The following SLC6A3 variants were observed in gnomAD, a reference collection of about 807,000 sequenced individuals.
The protein encoded by SLC6A3 is solute carrier family 6 member 3.
SLC6A3 carries 19 observed loss-of-function variants against 70.4 expected under a neutral mutation model. The observed-to-expected ratio is 0.27, with a 90% CI of 0.19 to 0.40. SLC6A3 has a LOEUF of 0.40. SLC6A3 is among the 10% of genes least tolerant of loss of function. SLC6A3 has a pLI of 1.00. For synonymous variants in SLC6A3, 368 were observed against 356.6 expected, an observed-to-expected ratio of 1.03 and a Z score of -0.36; for missense variants, 613 against 838.5, an observed-to-expected ratio of 0.73 and a Z score of 3.32.
chr5:1,414,516 G>GGGGCCGGGAGGGGCAGGGCAGGGAA (rs1560913099), intron 8 of SLC6A3, among the ~76,000 whole-genome samples, 175 bp downstream of exon 8: 3 of 151,546 alleles, frequency 2.0e-5, no homozygotes, highest in African/African-American at 4.8e-5. Context: ...CGCTGGGTGG[G>GGGGCCGGGAGGGGCAGGGCAGGGAA]GGCAGGTCTG....
At chr5:1,429,749 C>T (rs1579720819) in intron 4 of SLC6A3, among the ~76,000 whole-genome samples, 1 of 152,202 alleles carries the variant, frequency 6.6e-6, no homozygotes, top group East Asian at 1.9e-4. Context: ...CTGCCCCTGG[C>T]TCTGTGTGCC....
At chr5:1,395,679 A>G (rs10069463) in intron 14 of SLC6A3, among the ~76,000 whole-genome samples, 20,344 of 152,246 alleles carry the variant, frequency 0.13, 1,917 homozygotes, top group African/African-American at 0.27. Context: ...GAGCCCGGCC[A>G]GGACCCACAG....
Position 1,408,751 on chromosome 5 carries a change from C to A in SLC6A3, c.1498+275G>T, listed in dbSNP as rs1560909486. Among the ~76,000 whole-genome samples, 1 of 152,244 alleles carries A rather than the reference C, an allele frequency of 6.6e-6. No homozygotes were observed. Among genetic ancestry groups the A allele is most frequent in the Non-Finnish European group, 1.5e-5 (1 of 68,042 alleles). On this transcript the variant is annotated intron_variant, in intron 11 of 14. Transcript: ENST00000270349. This position sits in a 1 kb window ranked among gnomAD's most constrained non-coding sequence, Gnocchi z 6.4. Reference sequence around the variant, plus strand: ...TGTTCCCCTGGGTGGGATGGGCTCACCGGTGCCTCTAGCGTGGAGGAGGCA... The same window carrying A: ...TGTTCCCCTGGGTGGGATGGGCTCAACGGTGCCTCTAGCGTGGAGGAGGCA...
At chr5:1,428,083 A>G (rs946488131) in intron 4 of SLC6A3, among the ~76,000 whole-genome samples, 2 of 152,112 alleles carry the variant, frequency 1.3e-5, no homozygotes, top group Non-Finnish European at 2.9e-5. Context: ...CACCAGTGTA[A>G]ACCATCTAGT....
rs560356217 is a variant in SLC6A3, at chr5:1,406,108, G to A, written c.1599+80C>T. The A allele has an allele frequency of 1.3e-4, 130 of 999,246 alleles. No individual in the cohort carries two copies. In the East Asian group the frequency reaches 3.0e-3, roughly 23 times the overall value. 61.9% of individuals were successfully genotyped at this position (999,246 alleles called of 1,614,324 possible). Reference sequence around the variant, plus strand: ...CCAGCCACAGTGACAACCCACATGCGGGCGCTGGACCTCGGGGCAGGTGCC... The same window carrying A: ...CCAGCCACAGTGACAACCCACATGCAGGCGCTGGACCTCGGGGCAGGTGCC... On this transcript the variant is annotated intron_variant, in intron 12 of 14. Coordinates refer to ENST00000270349, the MANE Select transcript of SLC6A3 (RefSeq NM_001044.5). This position sits in a 1 kb window ranked among gnomAD's most constrained non-coding sequence, Gnocchi z 8.8.
Position 1,443,036 on chromosome 5 carries a change from G to T in SLC6A3, c.162C>A (p.Pro54=), listed in dbSNP as rs6351. 4.3e-6 allele frequency: 7 copies of T among 1,614,072 alleles called. No individual in the cohort carries two copies. The African/African-American group carries it at 6.7e-5, about 15-fold the overall frequency. ...SSTLTNPRQS[P]VEAQDRETWG... is the part of the protein sequence containing the mutation. ...AGGTCTCCCGATCCTGGGCCTCCAC[G>T]GGGCTCTGCCGCGGGTTGGTGAGGG... is the stretch of plus-strand genomic sequence containing the variant. The change falls in exon 2 of 15, where the codon CCC becomes CCA. Residue 54 remains proline (P), a synonymous_variant. Coordinates refer to ENST00000270349, the MANE Select transcript of SLC6A3 (RefSeq NM_001044.5).
intron 3 of SLC6A3, 77 bp from the exon 4 acceptor site, chr5:1,432,775 T>G: frequency 8.2e-6 from 8 of 978,324 alleles, no homozygotes; most frequent in Non-Finnish European, 1.1e-5. Context: ...CCCTTCCACC[T>G]CCCCTCACGG....
At chr5:1,407,455 G>A (rs1037705941) in intron 11 of SLC6A3, among the ~76,000 whole-genome samples, 28 of 152,362 alleles carry the variant, frequency 1.8e-4, no homozygotes, top group South Asian at 2.1e-4. Flanking sequence ...GGCCCCTGCC[G>A]GAGCAGGAGT....
chr5:1,418,793 T>A (rs1272578790), intron 6 of SLC6A3, among the ~76,000 whole-genome samples: 2 of 149,410 alleles, frequency 1.3e-5, no homozygotes, highest in Non-Finnish European at 3.0e-5. Flanking sequence ...CATTCATCCA[T>A]CCACCCAAAC....
intron 4 of SLC6A3, among the ~76,000 whole-genome samples, chr5:1,423,036 C>T (rs1316776893): frequency 1.3e-5 from 1 of 76,672 alleles, no homozygotes; most frequent in Non-Finnish European, 2.3e-5. Context: ...GGGTACCCAC[C>T]ACTGCCCACA....
At position 1,421,857 on chromosome 5, in the gene SLC6A3, G is replaced by C; in HGVS notation, c.792+19C>G. 6.2e-7 allele frequency: 1 copy of C among 1,612,788 alleles called. No homozygotes were observed. The highest frequency in any genetic ancestry group is 8.5e-7 in the Non-Finnish European group (1 of 1,179,818). Reference sequence around the variant, plus strand: ...TGGCCCCATGTCTACAGGCCCAATTGGTGACCCCCGAGCCTCACCTTCCCT... The same window carrying C: ...TGGCCCCATGTCTACAGGCCCAATTCGTGACCCCCGAGCCTCACCTTCCCT... On this transcript the variant is annotated intron_variant, in intron 5 of 14. Transcript: ENST00000270349. The surrounding 1 kb of genome is among the most constrained non-coding windows in gnomAD (Gnocchi z 7.2).
At position 1,402,856 on chromosome 5, in the gene SLC6A3, T is replaced by A; in HGVS notation, c.1767+66A>T. The A allele has an allele frequency of 6.5e-7, 1 of 1,532,572 alleles. No homozygotes were observed. Among genetic ancestry groups the A allele is most frequent in the East Asian group, 2.3e-5 (1 of 43,202 alleles). The allele number at this position is 1,532,572 out of a possible 1,614,324, so 94.9% of individuals were successfully genotyped here. A position where few individuals can be genotyped will look rare whatever the true frequency, so the allele number is the denominator to read the frequency against. ...CCCAGGCAGGTGAGGACTGGGGCCA[T>A]GGACACCCACGGAGCCTTTCTGGTG... On this transcript the variant is annotated intron_variant, in intron 13 of 14. Coordinates refer to ENST00000270349, the MANE Select transcript of SLC6A3 (RefSeq NM_001044.5). The surrounding 1 kb of genome is among the most constrained non-coding windows in gnomAD (Gnocchi z 8.5).
Position 1,405,132 on chromosome 5 carries a change from G to A in SLC6A3, c.1599+1056C>T, listed in dbSNP as rs1048022700. Reference sequence around the variant, plus strand: ...ACCTTCAACGGGAGCCTTCACAAGCGCAGTTAACTGGACTTGGAACACTTA... The same window carrying A: ...ACCTTCAACGGGAGCCTTCACAAGCACAGTTAACTGGACTTGGAACACTTA... On this transcript the variant is annotated intron_variant, in intron 12 of 14. Coordinates refer to ENST00000270349, the MANE Select transcript of SLC6A3 (RefSeq NM_001044.5). The surrounding 1 kb of genome is among the most constrained non-coding windows in gnomAD (Gnocchi z 5.3). Among the ~76,000 whole-genome samples, 1 of 152,212 alleles carries A rather than the reference G, an allele frequency of 6.6e-6. No individual in the cohort carries two copies. Among genetic ancestry groups the A allele is most frequent in the Non-Finnish European group, 1.5e-5 (1 of 68,038 alleles).
intron 3 of SLC6A3, among the ~76,000 whole-genome samples, chr5:1,440,321 GTAGA>G (rs1756943916): frequency 6.6e-6 from 1 of 151,868 alleles, no homozygotes; most frequent in African/African-American, 2.4e-5. Flanking sequence ...GGATCGATAG[GTAGA>G]TGGATGGATC....
chr5:1,399,249 CA>C (rs1223571775), intron 14 of SLC6A3, among the ~76,000 whole-genome samples: 1 of 151,720 alleles, frequency 6.6e-6, no homozygotes, highest in Non-Finnish European at 1.5e-5. Context: ...GACAAAGTCA[CA>C]ATGGAAATTA....
chr5:1,397,538 G>C lies in SLC6A3; in HGVS notation c.1840-2780C>G, dbSNP rs1755750254. 6.6e-6 allele frequency among the ~76,000 whole-genome samples: 1 copy of C among 152,196 alleles called. No homozygotes were observed. The highest frequency in any genetic ancestry group is 2.4e-5 in the African/African-American group (1 of 41,444). On this transcript the variant is annotated intron_variant, in intron 14 of 14. Coordinates refer to ENST00000270349, the MANE Select transcript of SLC6A3 (RefSeq NM_001044.5). This position sits in a 1 kb window ranked among gnomAD's most constrained non-coding sequence, Gnocchi z 4.7. ...AGAAGAAACTCGGCCGAGTGCAGGG[G>C]TGAGGACAGAGCCCACCACAGAGCA...
In SLC6A3 at chr5:1,397,854, C is replaced by T. The variant is rs1755758915; in HGVS notation, c.1839+3061G>A. ...CAAGCATGCACATTAGTCCAAGGAA[C>T]ATGATGAGTCCGTACAAAATAATAA... On this transcript the variant is annotated intron_variant, in intron 14 of 14. Coordinates refer to ENST00000270349, the MANE Select transcript of SLC6A3 (RefSeq NM_001044.5). This position sits in a 1 kb window ranked among gnomAD's most constrained non-coding sequence, Gnocchi z 4.7. Among the ~76,000 whole-genome samples the T allele has an allele frequency of 6.6e-6, 1 of 152,114 alleles. No individual in the cohort carries two copies. The highest frequency in any genetic ancestry group is 2.1e-4 in the South Asian group (1 of 4,834).
At chr5:1,439,922 G>A (rs1294088687) in intron 3 of SLC6A3, among the ~76,000 whole-genome samples, 2 of 152,210 alleles carry the variant, frequency 1.3e-5, no homozygotes, top group Non-Finnish European at 2.9e-5. Flanking sequence ...CCGGCCCTCT[G>A]GTCCTCAGCA....
At position 1,443,319 on chromosome 5, in the gene SLC6A3, C is replaced by T. The variant is rs578002195; in HGVS notation, c.-45-77G>A. The T allele has an allele frequency of 4.3e-4, 499 of 1,168,246 alleles. 3 individuals carry two copies. In the African/African-American group the frequency reaches 6.4e-3, roughly 15 times the overall value. 72.4% of individuals were successfully genotyped at this position (1,168,246 alleles called of 1,614,324 possible). On this transcript the variant is annotated intron_variant, in intron 1 of 14. Coordinates refer to ENST00000270349, the MANE Select transcript of SLC6A3 (RefSeq NM_001044.5). ...GCCAGGGCTAGGGACATACCTGGTG[C>T]GGAGGGCAGAGCCCCGAGGCATTCA...
Sources: gnomAD v4.1 joint callset for allele counts (sites outside exome capture counted in the v4.1 genomes callset) on GRCh38, gnomAD v4.1.1 for gene constraint, Gnocchi (gnomAD v3.1) non-coding constraint, MANE v1.5 for transcripts, NCBI Gene and HGNC (gene_info 2026-07-23, HGNC 2026-07-21) for gene names.